CNTNAP2: variants seen among roughly 807,000 people sequenced by gnomAD.
CNTNAP2 encodes the protein contactin-associated protein-like 2.
A neutral mutation model predicts 155.2 loss-of-function variants in CNTNAP2; 98 were observed. The observed-to-expected ratio is 0.63, with a 90% confidence interval of 0.54 to 0.75. The LOEUF is 0.75. Among genes scored for constraint, CNTNAP2 ranks in the 30% least tolerant of loss-of-function variants. CNTNAP2 has a pLI of 0.00. For missense variants in CNTNAP2, 1,727 were observed against 1,688.1 expected, an observed-to-expected ratio of 1.02 and a Z score of -0.40; for synonymous variants, 651 against 631.2, an observed-to-expected ratio of 1.03 and a Z score of -0.47.
chr7:147,489,334 C>G (rs1383628359), intron 11 of CNTNAP2, among the ~76,000 whole-genome samples: 3 of 152,154 alleles, frequency 2.0e-5, no homozygotes, highest in Non-Finnish European at 4.4e-5. Context: ...AGCCAAAGAT[C>G]ACAGAAGATA....
At chr7:147,055,799 C>T (rs1180148555) in intron 4 of CNTNAP2, among the ~76,000 whole-genome samples, 3 of 152,060 alleles carry the variant, frequency 2.0e-5, no homozygotes, top group East Asian at 1.9e-4. Flanking sequence ...GCCCAATACT[C>T]AAGGAGAAGT....
chr7:146,594,824 A>G (rs1445603618), intron 1 of CNTNAP2, among the ~76,000 whole-genome samples: 8 of 152,138 alleles, frequency 5.3e-5, no homozygotes, highest in Non-Finnish European at 1.2e-4. Context: ...GCTCTCAAAA[A>G]ATATTAAAAA....
chr7:147,457,509 A>ACTT (rs1797937101), intron 10 of CNTNAP2, among the ~76,000 whole-genome samples: 1 of 151,918 alleles, frequency 6.6e-6, no homozygotes, highest in Non-Finnish European at 1.5e-5. Context: ...CTGTATATTT[A>ACTT]GTTCATAATT....
chr7:146,911,092 A>G (rs1796265018), intron 3 of CNTNAP2, among the ~76,000 whole-genome samples: 3 of 152,116 alleles, frequency 2.0e-5, no homozygotes, highest in African/African-American at 4.8e-5. Context: ...AATGCAAATC[A>G]AAACCACTAT....
rs148598640 is a variant in CNTNAP2 at position 146,549,175 on chromosome 7, A to G, written c.98-225096A>G. ...CCATTTTAACAAGAATTTTAACACT[A>G]TACATTTTCTGAGAGATGCATATGC... On this transcript the variant is annotated intron_variant, in intron 1 of 23. Coordinates refer to ENST00000361727, the MANE Select transcript of CNTNAP2 (RefSeq NM_014141.6). 2.6e-3 allele frequency among the ~76,000 whole-genome samples: 398 copies of G among 151,972 alleles called. 3 individuals are homozygous for G. The highest frequency in any genetic ancestry group is 9.2e-3 in the African/African-American group (383 of 41,474).
chr7:147,732,801 T>C (rs1796766633), intron 13 of CNTNAP2, among the ~76,000 whole-genome samples: 1 of 152,236 alleles, frequency 6.6e-6, no homozygotes, highest in South Asian at 2.1e-4. Context: ...TGATGAGCAT[T>C]TTTTCATCAT....
intron 20 of CNTNAP2, among the ~76,000 whole-genome samples, chr7:148,238,640 T>C (rs1010925130): frequency 7.9e-5 from 12 of 152,264 alleles, no homozygotes; most frequent in African/African-American, 2.9e-4. Context: ...CTAATTTTTA[T>C]AATCAAAGAG....
chr7:146,914,091 T>C (rs2129217990), intron 3 of CNTNAP2, among the ~76,000 whole-genome samples: 1 of 152,278 alleles, frequency 6.6e-6, no homozygotes, highest in East Asian at 1.9e-4. Flanking sequence ...ATTTCATTAT[T>C]TATGGCTTTT....
intron 13 of CNTNAP2, among the ~76,000 whole-genome samples, chr7:147,839,230 T>C (rs1185757026): frequency 6.6e-6 from 1 of 152,148 alleles, no homozygotes. Flanking sequence ...CCCCAGTCCA[T>C]TGACTCAAAT....
intron 14 of CNTNAP2, among the ~76,000 whole-genome samples, chr7:147,929,065 C>A (rs1173923371): frequency 8.7e-6 from 1 of 115,012 alleles, no homozygotes; most frequent in African/African-American, 3.6e-5. Flanking sequence ...GCACTCCAGC[C>A]GGGGCAACAA....
intron 10 of CNTNAP2, among the ~76,000 whole-genome samples, chr7:147,473,649 T>C (rs1436554298): frequency 6.6e-6 from 1 of 152,190 alleles, no homozygotes. Flanking sequence ...GAAACCACTG[T>C]AACAGCATCC....
chr7:147,296,316 T>C (rs1805442999), intron 8 of CNTNAP2, among the ~76,000 whole-genome samples: 1 of 152,212 alleles, frequency 6.6e-6, no homozygotes. Context: ...AGGGAAATGC[T>C]ATGGTGAAGA....
At chr7:148,261,240 A>C (rs1796555776) in intron 20 of CNTNAP2, among the ~76,000 whole-genome samples, 1 of 151,956 alleles carries the variant, frequency 6.6e-6, no homozygotes, top group Admixed American at 6.6e-5. Flanking sequence ...GGCTCACTGC[A>C]ACCTCTGCCT....
chr7:147,588,880 C>G (rs530925160), intron 12 of CNTNAP2, among the ~76,000 whole-genome samples: 2 of 152,136 alleles, frequency 1.3e-5, no homozygotes, highest in East Asian at 3.9e-4. Flanking sequence ...TACCTTAAGG[C>G]TTCTTTAATT....
chr7:148,186,923 A>G (rs1795124745), intron 18 of CNTNAP2, among the ~76,000 whole-genome samples: 1 of 152,098 alleles, frequency 6.6e-6, no homozygotes, highest in South Asian at 2.1e-4. Flanking sequence ...TTGTTGTCCA[A>G]TGTAGAATGG....
intron 9 of CNTNAP2, among the ~76,000 whole-genome samples, chr7:147,303,480 A>G (rs1794978552): frequency 6.6e-6 from 1 of 152,192 alleles, no homozygotes; most frequent in South Asian, 2.1e-4. Flanking sequence ...ACTTTAACTA[A>G]AACACAAATG....
intron 13 of CNTNAP2, among the ~76,000 whole-genome samples, chr7:147,819,720 G>A (rs1798332940): frequency 6.6e-6 from 1 of 152,108 alleles, no homozygotes; most frequent in Non-Finnish European, 1.5e-5. Flanking sequence ...CAGTTCAAAG[G>A]AGAATGTAGA....
intron 3 of CNTNAP2, among the ~76,000 whole-genome samples, chr7:146,998,666 C>T (rs543203660): frequency 8.4e-4 from 127 of 152,044 alleles, no homozygotes; most frequent in African/African-American, 2.4e-3. Context: ...TTCAGCCTAT[C>T]GCTTCCATTT....
At chr7:146,900,821 T>C (rs1024022183) in intron 3 of CNTNAP2, among the ~76,000 whole-genome samples, 1 of 152,178 alleles carries the variant, frequency 6.6e-6, no homozygotes, top group Non-Finnish European at 1.5e-5. Flanking sequence ...CTCTCTCTTC[T>C]ACCTGCACCG....
Sources: allele counts gnomAD v4.1 joint callset (sites outside exome capture counted in the v4.1 genomes callset), GRCh38; gene constraint gnomAD v4.1.1; transcripts MANE v1.5; gene names NCBI Gene and HGNC (gene_info 2026-07-23, HGNC 2026-07-21).